Variants in TCAF1 observed in about 807,000 individuals in gnomAD.
TCAF1 encodes the protein TRPM8 channel-associated factor 1.
Under a neutral mutation model 27.3 loss-of-function variants are expected in TCAF1, and 4 were observed. That is an observed-to-expected ratio of 0.15 (90% CI 0.07 to 0.34). TCAF1 has a LOEUF of 0.34. Ranked by LOEUF, TCAF1 falls within the 10% of genes least tolerant of loss-of-function variation. TCAF1 has a pLI of 1.00. For synonymous variants in TCAF1, 105 were observed against 167.1 expected, an observed-to-expected ratio of 0.63 and a Z score of 2.87; for missense variants, 257 against 425.8, an observed-to-expected ratio of 0.60 and a Z score of 3.49.
intron 1 of TCAF1, among the ~76,000 whole-genome samples, chr7:143,881,441 T>C (rs890416753): frequency 6.6e-6 from 1 of 152,176 alleles, no homozygotes; most frequent in Non-Finnish European, 1.5e-5. Context: ...TTCCTTTCTA[T>C]ATCCAGTGTC....
At chr7:143,890,810 T>C (rs1205348106) in intron 1 of TCAF1, among the ~76,000 whole-genome samples, 2 of 152,188 alleles carry the variant, frequency 1.3e-5, no homozygotes, top group African/African-American at 2.4e-5. Context: ...ATTTTATATA[T>C]GAATTCCCCT....
Position 143,852,479 on chromosome 7 carries a change from G to C in TCAF1, c.*1654C>G, listed in dbSNP as rs1484263863. ...TCATTTTGCTGGAGAATTTCCTCAAGATACTTCCTCAGTAAGGGTGCAAAG... is the reference window on the plus strand; with the variant it reads ...TCATTTTGCTGGAGAATTTCCTCAACATACTTCCTCAGTAAGGGTGCAAAG... On this transcript the variant is annotated 3_prime_UTR_variant, in exon 9 of 9. Coordinates refer to ENST00000479870, the MANE Select transcript of TCAF1 (RefSeq NM_014719.3). 1 of 153,372 alleles carries C rather than the reference G, an allele frequency of 6.5e-6. No individual in the cohort carries two copies. The highest frequency in any genetic ancestry group is 2.4e-5 in the African/African-American group (1 of 41,486). The allele number at this position is 153,372 out of a possible 1,614,324, so 9.5% of individuals were successfully genotyped here.
intron 2 of TCAF1, among the ~76,000 whole-genome samples, chr7:143,875,057 A>T (rs924396136): frequency 1.3e-5 from 2 of 152,120 alleles, no homozygotes; most frequent in Non-Finnish European, 2.9e-5. Flanking sequence ...AACTTCCCTA[A>T]AAGTCCCATG....
chr7:143,885,136 G>A (rs901128983), intron 1 of TCAF1: 36 of 985,390 alleles, frequency 3.7e-5, no homozygotes, highest in Middle Eastern at 5.2e-4. Context: ...GGACTGCATC[G>A]GGAGCCGCCC....
At chr7:143,880,436 A>C (rs1011246251) in intron 1 of TCAF1, among the ~76,000 whole-genome samples, 1 of 152,200 alleles carries the variant, frequency 6.6e-6, no homozygotes, top group Non-Finnish European at 1.5e-5. Context: ...TATGCATTGA[A>C]AATCTATGGA....
At chr7:143,882,250 GCCAGTGGGAGATAGAGCTCAGTC>G (rs1813085370) in intron 1 of TCAF1, among the ~76,000 whole-genome samples, 1 of 149,968 alleles carries the variant, frequency 6.7e-6, no homozygotes, top group Admixed American at 6.6e-5. Flanking sequence ...AGGGGCCAGT[GCCAGTGGGAGATAGAGCTCAGTC>G]CCAAAGCCAG....
chr7:143,897,632 A>C (rs970608740), intron 1 of TCAF1, among the ~76,000 whole-genome samples: 3 of 152,122 alleles, frequency 2.0e-5, no homozygotes, highest in African/African-American at 7.2e-5. Context: ...ACATGTACGT[A>C]TACTGATACA....
At chr7:143,899,922 TCA>T (rs1814043385) in intron 1 of TCAF1, among the ~76,000 whole-genome samples, 1 of 152,198 alleles carries the variant, frequency 6.6e-6, no homozygotes. Flanking sequence ...CTAGTTAAAA[TCA>T]CAGTTAAATG....
At position 143,852,123 on chromosome 7, in the gene TCAF1, ATTC is replaced by A. The variant is rs1811329086; in HGVS notation, c.*2007_*2009del. 6.6e-6 allele frequency: 1 copy of A among 151,128 alleles called. No individual in the cohort carries two copies. The highest frequency in any genetic ancestry group is 2.4e-5 in the African/African-American group (1 of 41,110). The allele number at this position is 151,128 out of a possible 1,614,324, so 9.4% of individuals were successfully genotyped here. A position where few individuals can be genotyped will look rare whatever the true frequency, so the allele number is the denominator to read the frequency against. On this transcript the variant is annotated 3_prime_UTR_variant, in exon 9 of 9. Coordinates refer to ENST00000479870, the MANE Select transcript of TCAF1 (RefSeq NM_014719.3). ...AAATGTACCTATCAAGCCTCTTCTT[ATTC>A]TTCATGAATAACTCAAAATCATGCC...
In TCAF1 at chr7:143,859,926, TATATAA is replaced by T. The variant is rs1811832475; in HGVS notation, c.2167+276_2167+281del. On this transcript the variant is annotated intron_variant, in intron 6 of 8. Transcript: ENST00000479870. ...ATAATATATATTACGGAATATATAT[TATATAA>T]TATATATTATATAATATATATTACG... Among the ~76,000 whole-genome samples, 5 of 86,754 alleles carry T rather than the reference TATATAA, an allele frequency of 5.8e-5. 1 individual carries two copies. The highest frequency in any genetic ancestry group is 8.6e-5 in the African/African-American group (2 of 23,296). The allele number at this position is 86,754 out of a possible 152,430, so 56.9% of individuals were successfully genotyped here. A position where few individuals can be genotyped will look rare whatever the true frequency, so the allele number is the denominator to read the frequency against.
rs1465973308 is a variant in TCAF1 at position 143,851,894 on chromosome 7, GCATT to G, written c.*2235_*2238del. On this transcript the variant is annotated 3_prime_UTR_variant, in exon 9 of 9. Transcript: ENST00000479870. Reference sequence around the variant, plus strand: ...CTTTCTGCTTTCTTTCCCTTTGTCAGCATTAATTACTTTCAACTTCAGTTCTGAA... The same window carrying G: ...CTTTCTGCTTTCTTTCCCTTTGTCAGAATTACTTTCAACTTCAGTTCTGAA... 2.6e-5 allele frequency: 4 copies of G among 152,076 alleles called. No homozygotes were observed. The highest frequency in any genetic ancestry group is 5.9e-5 in the Non-Finnish European group (4 of 68,044). 9.4% of individuals were successfully genotyped at this position (152,076 alleles called of 1,614,324 possible).
chr7:143,882,535 C>T (rs1813117068), intron 1 of TCAF1: 1 of 985,394 alleles, frequency 1.0e-6, no homozygotes, highest in Non-Finnish European at 1.2e-6. Flanking sequence ...GGAAAATCAC[C>T]AGCAGAAATA....
At chr7:143,898,107 G>GTA (rs1465022557) in intron 1 of TCAF1, among the ~76,000 whole-genome samples, 1 of 151,970 alleles carries the variant, frequency 6.6e-6, no homozygotes, top group East Asian at 1.9e-4. Context: ...AGGAAAAAAA[G>GTA]TATATATATT....
intron 2 of TCAF1, among the ~76,000 whole-genome samples, chr7:143,869,260 G>A (rs1207545790): frequency 6.7e-6 from 1 of 150,242 alleles, no homozygotes; most frequent in African/African-American, 2.4e-5. Context: ...ACTCACCTTG[G>A]CCTCCCAAAG....
intron 1 of TCAF1, among the ~76,000 whole-genome samples, chr7:143,900,247 C>T (rs1265066561): frequency 6.6e-6 from 1 of 152,166 alleles, no homozygotes; most frequent in African/African-American, 2.4e-5. Flanking sequence ...TCACCCCCTT[C>T]CCTTCAGTGT....
chr7:143,892,744 G>T (rs1204871538), intron 1 of TCAF1, among the ~76,000 whole-genome samples: 1 of 152,132 alleles, frequency 6.6e-6, no homozygotes, highest in African/African-American at 2.4e-5. Context: ...GTAATTAGAT[G>T]TAGATGATGT....
At chr7:143,857,522 A>C (rs1368020140) in intron 7 of TCAF1, among the ~76,000 whole-genome samples, 172 bp from the exon 8 acceptor site, 5 of 152,306 alleles carry the variant, frequency 3.3e-5, no homozygotes, top group African/African-American at 1.2e-4. Flanking sequence ...GCTCTTCCAC[A>C]TTCTAATCTT....
intron 1 of TCAF1, among the ~76,000 whole-genome samples, chr7:143,885,810 A>C (rs1157026607): frequency 6.6e-6 from 1 of 152,216 alleles, no homozygotes; most frequent in East Asian, 1.9e-4. Flanking sequence ...TATGGAAGAT[A>C]AACTATTAGA....
chr7:143,891,994 C>T (rs1200061879), intron 1 of TCAF1, among the ~76,000 whole-genome samples: 3 of 152,082 alleles, frequency 2.0e-5, no homozygotes, highest in Non-Finnish European at 2.9e-5. Context: ...AATCTGCCAA[C>T]CTAAAATTCT....
Sources: allele counts gnomAD v4.1 joint callset (sites outside exome capture counted in the v4.1 genomes callset), GRCh38; gene constraint gnomAD v4.1.1; transcripts MANE v1.5; gene names NCBI Gene and HGNC (gene_info 2026-07-23, HGNC 2026-07-21).